CROCC2: variants seen among roughly 807,000 people sequenced by gnomAD.
The protein encoded by CROCC2 is ciliary rootlet coiled-coil, rootletin family member 2.
CROCC2 carries 163 observed loss-of-function variants against 177.6 expected under a neutral mutation model. The ratio of observed to expected loss-of-function variants is 0.92; its 90% CI spans 0.81 to 1.05. The LOEUF is 1.05. CROCC2 is among the 50% of genes least tolerant of loss of function. The pLI is 0.00. For missense variants in CROCC2, 1,929 were observed against 1,797.8 expected, an observed-to-expected ratio of 1.07 and a Z score of -1.32; for synonymous variants, 904 against 787.3, an observed-to-expected ratio of 1.15 and a Z score of -2.48.
intron 18 of CROCC2, among the ~76,000 whole-genome samples, chr2:240,954,394 C>G (rs1483510933): frequency 6.6e-6 from 1 of 152,198 alleles, no homozygotes; most frequent in Non-Finnish European, 1.5e-5. Flanking sequence ...CCATGATTCT[C>G]TCAGGTTCAG....
At position 240,987,713 on chromosome 2, in the gene CROCC2, T is replaced by C. The variant is rs574592169; in HGVS notation, c.4552-1026T>C. ...CAGGGCCAGCACCCGACAGAGGGCA[T>C]TGGGGCCAACAGAGGACTGACCTGG... On this transcript the variant is annotated intron_variant, in intron 28 of 31. Transcript: ENST00000690015. Among the ~76,000 whole-genome samples the C allele has an allele frequency of 3.3e-5, 5 of 152,340 alleles. No homozygotes were observed. In the South Asian group the frequency reaches 1.0e-3, roughly 32 times the overall value.
rs894002865 is a variant in CROCC2 at position 240,968,109 on chromosome 2, C to T, written c.4268-20C>T. 4.2e-6 allele frequency: 6 copies of T among 1,419,256 alleles called. No individual in the cohort carries two copies. The African/African-American group carries it at 7.4e-5, about 17-fold the overall frequency. The allele number at this position is 1,419,256 out of a possible 1,614,324, so 87.9% of individuals were successfully genotyped here. A position where few individuals can be genotyped will look rare whatever the true frequency, so the allele number is the denominator to read the frequency against. The stretch of plus-strand genomic sequence containing the variant: ...GGGAGGGGCATGGGGGCCCCTCAAG[C>T]CACCCTGCTTGCCCCACAGGCCAGC... On this transcript the variant is annotated intron_variant, in intron 26 of 31. Coordinates refer to ENST00000690015, the MANE Select transcript of CROCC2 (RefSeq NM_001351305.2).
At chr2:240,951,580 C>G (rs1309466921) in intron 18 of CROCC2, among the ~76,000 whole-genome samples, 1 of 152,168 alleles carries the variant, frequency 6.6e-6, no homozygotes, top group African/African-American at 2.4e-5. Context: ...ATCCACACAC[C>G]TCACCATCCA....
rs1258414373 is a variant in CROCC2, at chr2:240,972,435, C to T, written c.4401+4173C>T. Among the ~76,000 whole-genome samples, 1 of 152,062 alleles carries T rather than the reference C, an allele frequency of 6.6e-6. No individual in the cohort carries two copies. Among genetic ancestry groups the T allele is most frequent in the Admixed American group, 6.5e-5 (1 of 15,268 alleles). On this transcript the variant is annotated intron_variant, in intron 27 of 31. Transcript: ENST00000690015. The surrounding 1 kb of genome is among the most constrained non-coding windows in gnomAD (Gnocchi z 7.1). ...CTGCTTGCCTCACAGGGATGGAGGG[C>T]TCCCCGGGTCCCCCAGCCACAGCAA...
intron 1 of CROCC2, among the ~76,000 whole-genome samples, chr2:240,909,455 G>T (rs2059273949): frequency 6.6e-6 from 1 of 152,250 alleles, no homozygotes; most frequent in Admixed American, 6.5e-5. Context: ...GCTGGTGAAT[G>T]GAGGCTGGAG....
At position 240,953,368 on chromosome 2, in the gene CROCC2, C is replaced by A. The variant is rs56732339; in HGVS notation, c.2830-2491C>A. 3.9e-3 allele frequency among the ~76,000 whole-genome samples: 598 copies of A among 151,616 alleles called. 7 individuals carry two copies. The highest frequency in any genetic ancestry group is 0.013 in the African/African-American group (552 of 41,292). On this transcript the variant is annotated intron_variant, in intron 18 of 31. Transcript: ENST00000690015. This position sits in a 1 kb window ranked among gnomAD's most constrained non-coding sequence, Gnocchi z 4.0. Reference sequence around the variant, plus strand: ...AGATTCTCACTGAGATTGCAGTGAGCGGAGATCACGCCACTGCATTCCAGC... The same window carrying A: ...AGATTCTCACTGAGATTGCAGTGAGAGGAGATCACGCCACTGCATTCCAGC...
At chr2:240,939,253 T>C (rs1329313168) in intron 14 of CROCC2, among the ~76,000 whole-genome samples, 1 of 152,190 alleles carries the variant, frequency 6.6e-6, no homozygotes, top group Non-Finnish European at 1.5e-5. Context: ...TCTGGAACTA[T>C]TAAGATGATC....
chr2:240,919,367 G>A, intron 2 of CROCC2, among the ~76,000 whole-genome samples: 1 of 152,136 alleles, frequency 6.6e-6, no homozygotes, highest in East Asian at 1.9e-4. Context: ...CTGGACACTG[G>A]CACTCAGGGA....
intron 1 of CROCC2, among the ~76,000 whole-genome samples, chr2:240,916,991 G>A (rs1214396151): frequency 6.6e-6 from 1 of 152,164 alleles, no homozygotes; most frequent in Non-Finnish European, 1.5e-5. Flanking sequence ...CCCAGGAGGA[G>A]GAGCAGGGAC....
chr2:240,955,309 G>A (rs1183409155), intron 18 of CROCC2: 5 of 152,886 alleles, frequency 3.3e-5, no homozygotes, highest in Non-Finnish European at 5.8e-5. Context: ...CCCTCCCCCA[G>A]ATGGGCCTGG....
chr2:240,933,558 G>GC lies in CROCC2; in HGVS notation c.1464-109dup. On this transcript the variant is annotated intron_variant, in intron 10 of 31. Transcript: ENST00000690015. The stretch of plus-strand genomic sequence containing the variant: ...CCTGTCTGCTTCTCAGGCTCCCTCT[G>GC]CCCATGCAGTCTCAGGGGCTGGCAT... The GC allele has an allele frequency of 6.9e-6, 9 of 1,296,118 alleles. No homozygotes were observed. The South Asian group carries it at 1.3e-4, about 19-fold the overall frequency. The allele number at this position is 1,296,118 out of a possible 1,614,324, so 80.3% of individuals were successfully genotyped here.
rs1327058558 is a variant in CROCC2 at position 240,950,523 on chromosome 2, C to T, written c.2829+13C>T. The T allele has an allele frequency of 1.3e-6, 2 of 1,543,498 alleles. No homozygotes were observed. The highest frequency in any genetic ancestry group is 2.4e-5 in the East Asian group (1 of 40,850). On this transcript the variant is annotated intron_variant, in intron 18 of 31. Coordinates refer to ENST00000690015, the MANE Select transcript of CROCC2 (RefSeq NM_001351305.2). ...CAAGATGCAACAGGTGATGGTGAGG[C>T]TGGGGGGCAGCGGGATTGCTCACAC... is the stretch of plus-strand genomic sequence containing the variant.
intron 10 of CROCC2, 112 bp downstream of exon 10, chr2:240,933,454 A>G (rs1040748196): frequency 2.4e-6 from 3 of 1,227,818 alleles, no homozygotes; most frequent in Non-Finnish European, 3.3e-6. Context: ...CCAGCCGGGG[A>G]GGGGTCCTTG....
Position 240,967,988 on chromosome 2 carries a change from G to A in CROCC2, c.4268-141G>A, listed in dbSNP as rs2059694805. The stretch of plus-strand genomic sequence containing the variant: ...GGTGGGAAGCCGGGACCCTGGGGCA[G>A]CCCCAGGACCCTTGAGCTGCAAGGA... On this transcript the variant is annotated intron_variant, in intron 26 of 31. Coordinates refer to ENST00000690015, the MANE Select transcript of CROCC2 (RefSeq NM_001351305.2). 7 of 872,634 alleles carry A rather than the reference G, an allele frequency of 8.0e-6. No homozygotes were observed. The East Asian group carries it at 1.6e-4, about 20-fold the overall frequency. The allele number at this position is 872,634 out of a possible 1,614,324, so 54.1% of individuals were successfully genotyped here. A position where few individuals can be genotyped will look rare whatever the true frequency, so the allele number is the denominator to read the frequency against.
intron 18 of CROCC2, 121 bp from the exon 19 acceptor site, chr2:240,955,738 C>T (rs976118434): frequency 1.1e-5 from 7 of 646,522 alleles, no homozygotes; most frequent in Admixed American, 2.5e-5. Flanking sequence ...GGAACATGAA[C>T]GTGCTGTGTC....
intron 3 of CROCC2, among the ~76,000 whole-genome samples, chr2:240,921,165 G>T (rs1395150246): frequency 6.6e-6 from 1 of 152,182 alleles, no homozygotes; most frequent in Non-Finnish European, 1.5e-5. Context: ...TCCCCAGGGG[G>T]CCTCACCTTC....
In CROCC2 at chr2:240,982,747, C is replaced by T. The variant is rs1559191354; in HGVS notation, c.4402-133C>T. The T allele has an allele frequency of 9.5e-6, 7 of 736,264 alleles. No homozygotes were observed. In the East Asian group the frequency reaches 1.1e-4, roughly 12 times the overall value. 45.6% of individuals were successfully genotyped at this position (736,264 alleles called of 1,614,324 possible). A position where few individuals can be genotyped will look rare whatever the true frequency, so the allele number is the denominator to read the frequency against. On this transcript the variant is annotated intron_variant, in intron 27 of 31. Transcript: ENST00000690015. The surrounding 1 kb of genome is among the most constrained non-coding windows in gnomAD (Gnocchi z 4.7). ...ACGCACTTCAGGTTGTCCTTAACCA[C>T]GTTCTTGCTGTTTTCATCCCAGCGA...
chr2:240,957,971 T>C (rs2059604182), intron 19 of CROCC2: 2 of 985,230 alleles, frequency 2.0e-6, no homozygotes, highest in African/African-American at 1.7e-5. Context: ...GGGCCTTCTC[T>C]GGAGCCAGTG....
In CROCC2 at chr2:240,932,831, A is replaced by T. The variant is rs536527000; in HGVS notation, c.1174A>T (p.Ile392Phe). ...SPHQGASPPH[I>F]CSPATLDPAL... Reference sequence around the variant, plus strand: ...CCATCAAGGGGCGTCCCCACCACACATCTGCTCCCCAGCCACCCTGGACCC... The same window carrying T: ...CCATCAAGGGGCGTCCCCACCACACTTCTGCTCCCCAGCCACCCTGGACCC... Residue 392 changes from isoleucine to phenylalanine, a missense_variant, in exon 9 of 32, where the codon ATC becomes TTC. Coordinates refer to ENST00000690015, the MANE Select transcript of CROCC2 (RefSeq NM_001351305.2). 1.7e-4 allele frequency: 256 copies of T among 1,544,332 alleles called. 3 individuals carry two copies. The South Asian group carries it at 2.8e-3, about 17-fold the overall frequency.
Sources: allele counts gnomAD v4.1 joint callset (sites outside exome capture counted in the v4.1 genomes callset), GRCh38; gene constraint gnomAD v4.1.1; non-coding constraint Gnocchi (gnomAD v3.1); transcripts MANE v1.5; gene names NCBI Gene and HGNC (gene_info 2026-07-23, HGNC 2026-07-21).